PLPPR3: variants seen among roughly 807,000 people sequenced by gnomAD.
The protein encoded by PLPPR3 is phospholipid phosphatase related 3.
PLPPR3 carries 14 observed loss-of-function variants against 27.3 expected under a neutral mutation model. That is an observed-to-expected ratio of 0.51 (90% CI 0.34 to 0.80). The LOEUF (loss-of-function observed/expected upper bound fraction) is 0.80, where lower values mean the gene tolerates loss of function less well. PLPPR3 is among the 30% of genes least tolerant of loss of function. The probability of loss-of-function intolerance (pLI) is 0.01; values close to 1 mark genes in which losing one functional copy is unlikely to be tolerated. For synonymous variants in PLPPR3, 671 were observed against 508.0 expected, an observed-to-expected ratio of 1.32 and a Z score of -4.32; for missense variants, 1,287 against 1,056.9, an observed-to-expected ratio of 1.22 and a Z score of -3.02.
chr19:815,692 A>G lies in PLPPR3; in HGVS notation c.235T>C (p.Leu79=). 1 of 1,602,866 alleles carries G rather than the reference A, an allele frequency of 6.2e-7. No homozygotes were observed. Among genetic ancestry groups the G allele is most frequent in the Non-Finnish European group, 8.5e-7 (1 of 1,175,534 alleles). ...GAGGCGGCAGGGGCCGCGAAGGCCA[A>G]GCTGAGCAGCATCAGCAGCGGGATG... ...ELIPLLMLLS[L]AFAAPAASIM... Residue 79 remains leucine (L), a synonymous_variant, in exon 3 of 8, where the codon TTG becomes CTG. Transcript: ENST00000520876.
chr19:815,949 C>G, intron 2 of PLPPR3, 98 bp from the exon 3 acceptor site: 2 of 1,271,704 alleles, frequency 1.6e-6, no homozygotes, highest in Non-Finnish European at 2.2e-6. Flanking sequence ...TCTCACTCAC[C>G]TATCCACAGA....
intron 2 of PLPPR3, 31 bp downstream of exon 2, chr19:821,454 T>G: frequency 7.0e-7 from 1 of 1,435,270 alleles, no homozygotes; most frequent in Non-Finnish European, 9.2e-7. Context: ...CCGAGGCGTC[T>G]CCCCCGGGCC....
Position 813,940 on chromosome 19 carries a change from G to A in PLPPR3, c.832-45C>T. 7.1e-7 allele frequency: 1 copy of A among 1,412,310 alleles called. No homozygotes were observed. Among genetic ancestry groups the A allele is most frequent in the Non-Finnish European group, 9.2e-7 (1 of 1,090,870 alleles). The allele number at this position is 1,412,310 out of a possible 1,614,324, so 87.5% of individuals were successfully genotyped here. On this transcript the variant is annotated intron_variant, in intron 7 of 7. Coordinates refer to ENST00000520876, the MANE Select transcript of PLPPR3 (RefSeq NM_001270366.2). The surrounding 1 kb of genome is among the most constrained non-coding windows in gnomAD (Gnocchi z 4.1). ...GGGGGTGAGGCCTGGGGCTCAGAGGGCTCCTCCCCTGTGATCGTTGGACTT... is the reference window on the plus strand; with the variant it reads ...GGGGGTGAGGCCTGGGGCTCAGAGGACTCCTCCCCTGTGATCGTTGGACTT...
chr19:815,972 C>T (rs563229533), intron 2 of PLPPR3, 121 bp from the exon 3 acceptor site: 2 of 938,604 alleles, frequency 2.1e-6, no homozygotes, highest in African/African-American at 1.7e-5. Flanking sequence ...CAACCCGCTC[C>T]CAGCCACTCT....
At position 814,670 on chromosome 19, in the gene PLPPR3, G is replaced by A. The variant is rs775381118; in HGVS notation, c.657+22C>T. The A allele has an allele frequency of 4.4e-6, 7 of 1,607,182 alleles. No individual in the cohort carries two copies. In the Middle Eastern group the frequency reaches 4.9e-4, roughly 113 times the overall value. ...CGGGTCAGCAAGAGGGCCTGGGAAG[G>A]GCAGTGAGGGGCCGGACTCACCGAC... On this transcript the variant is annotated intron_variant, in intron 6 of 7. Coordinates refer to ENST00000520876, the MANE Select transcript of PLPPR3 (RefSeq NM_001270366.2).
intron 2 of PLPPR3, among the ~76,000 whole-genome samples, chr19:819,740 C>T (rs574214534): frequency 3.9e-5 from 6 of 152,302 alleles, no homozygotes; most frequent in East Asian, 3.9e-4. Context: ...GTGACCTGCA[C>T]GGGTCACTGC....
upstream of PLPPR3, among the ~76,000 whole-genome samples, chr19:822,834 T>A (rs1451494066): frequency 6.6e-6 from 1 of 152,102 alleles, no homozygotes; most frequent in Admixed American, 6.5e-5. Context: ...AAAAATCGGT[T>A]TTTGGGCCGT....
chr19:816,712 CATCCGTCCATTCATT>C (rs1170069730), intron 2 of PLPPR3, among the ~76,000 whole-genome samples: 144 of 151,146 alleles, frequency 9.5e-4, no homozygotes, highest in Admixed American at 1.3e-3. Flanking sequence ...ACCGTCCATC[CATCCGTCCATTCATT>C]ACCCAGCCAT....
chr19:821,401 G>C (rs572857689), intron 2 of PLPPR3, 84 bp downstream of exon 2: 6 of 1,267,214 alleles, frequency 4.7e-6, no homozygotes, highest in Non-Finnish European at 6.4e-6. Flanking sequence ...CAGCTGCGCC[G>C]GCTCCGGTCC....
chr19:820,645 G>A (rs953252686), intron 2 of PLPPR3, among the ~76,000 whole-genome samples: 5 of 151,956 alleles, frequency 3.3e-5, no homozygotes, highest in African/African-American at 1.2e-4. Context: ...CCAGCCTCCC[G>A]AGTAGCTGGG....
chr19:823,450 A>AAAAAAAAAAAAAAAAAAAAAAAAAAC (rs111454578), upstream of PLPPR3, among the ~76,000 whole-genome samples: 1 of 143,836 alleles, frequency 7.0e-6, no homozygotes, highest in Non-Finnish European at 1.5e-5. Context: ...TCAAAAAAAA[A>AAAAAAAAAAAAAAAAAAAAAAAAAAC]AAAAAAAACA....
At position 813,360 on chromosome 19, in the gene PLPPR3, T is replaced by A; in HGVS notation, c.1367A>T (p.Glu456Val). ...EEDEEEEEEE[E>V]EEEDEGPAPP... ...GGCCGGGCCCTCGTCCTCCTCCTCT[T>A]CCTCCTCCTCCTCTTCCTCTTCGTC... Residue 456 changes from glutamate to valine, a missense_variant, in exon 8 of 8, where the codon GAA becomes GTA. By Grantham distance (121) the Glu-to-Val change is moderately radical. Coordinates refer to ENST00000520876, the MANE Select transcript of PLPPR3 (RefSeq NM_001270366.2). The surrounding 1 kb of genome is among the most constrained non-coding windows in gnomAD (Gnocchi z 4.1). 1 of 1,478,872 alleles carries A rather than the reference T, an allele frequency of 6.8e-7. No individual in the cohort carries two copies. Among genetic ancestry groups the A allele is most frequent in the Non-Finnish European group, 8.9e-7 (1 of 1,122,692 alleles). 91.6% of individuals were successfully genotyped at this position (1,478,872 alleles called of 1,614,324 possible).
At chr19:818,502 G>A (rs567730933) in intron 2 of PLPPR3, among the ~76,000 whole-genome samples, 7 of 152,102 alleles carry the variant, frequency 4.6e-5, no homozygotes, top group African/African-American at 7.2e-5. Flanking sequence ...GGAGTTCAAC[G>A]CTAGCCTGAG....
Position 812,538 on chromosome 19 carries a change from C to CCTCCGCCT in PLPPR3, c.*31_*32insAGGCGGAG. 1 of 934,806 alleles carries CCTCCGCCT rather than the reference C, an allele frequency of 1.1e-6. No individual in the cohort carries two copies. The highest frequency in any genetic ancestry group is 1.3e-6 in the Non-Finnish European group (1 of 782,812). The allele number at this position is 934,806 out of a possible 1,614,324, so 57.9% of individuals were successfully genotyped here. Reference sequence around the variant, plus strand: ...TCCGCGCGGCCGCCCGCGCCCTCGGCCCGCCCCCCGCCCGCCCCCGGCCCC... The same window carrying CCTCCGCCT: ...TCCGCGCGGCCGCCCGCGCCCTCGGCCTCCGCCTCCGCCCCCCGCCCGCCCCCGGCCCC... On this transcript the variant is annotated 3_prime_UTR_variant, in exon 8 of 8. Coordinates refer to ENST00000520876, the MANE Select transcript of PLPPR3 (RefSeq NM_001270366.2).
Position 812,834 on chromosome 19 carries a change from C to T in PLPPR3, c.1893G>A (p.Gly631=), listed in dbSNP as rs895864089. 1.8e-6 allele frequency: 2 copies of T among 1,115,906 alleles called. No homozygotes were observed. The highest frequency in any genetic ancestry group is 2.2e-6 in the Non-Finnish European group (2 of 911,748). The allele number at this position is 1,115,906 out of a possible 1,614,324, so 69.1% of individuals were successfully genotyped here. A position where few individuals can be genotyped will look rare whatever the true frequency, so the allele number is the denominator to read the frequency against. The change falls in exon 8 of 8, where the codon GGG becomes GGA. Residue 631 remains glycine, a synonymous_variant. Transcript: ENST00000520876. ...CGGGGGACACGCCCGGGGGCTTGGCCCCGCCGCGGAAGCCGCGCGCCAGGT... is the reference window on the plus strand; with the variant it reads ...CGGGGGACACGCCCGGGGGCTTGGCTCCGCCGCGGAAGCCGCGCGCCAGGT... ...LGDLARGFRG[G]AKPPGVSPGS... is the part of the protein sequence containing the mutation.
chr19:819,664 T>C (rs763089463), intron 2 of PLPPR3, among the ~76,000 whole-genome samples: 7 of 152,046 alleles, frequency 4.6e-5, no homozygotes, highest in African/African-American at 9.7e-5. Context: ...CTTAATGATA[T>C]TGTGTTTGGG....
In PLPPR3 at chr19:812,622, G is replaced by T. The variant is rs2034945838; in HGVS notation, c.2105C>A (p.Ala702Glu). 2 of 1,102,216 alleles carry T rather than the reference G, an allele frequency of 1.8e-6. No individual in the cohort carries two copies. Among genetic ancestry groups the T allele is most frequent in the Admixed American group, 9.7e-5 (2 of 20,718 alleles). 68.3% of individuals were successfully genotyped at this position (1,102,216 alleles called of 1,614,324 possible). A position where few individuals can be genotyped will look rare whatever the true frequency, so the allele number is the denominator to read the frequency against. Residue 702 changes from alanine (A) to glutamate (E), a missense_variant, in exon 8 of 8, where the codon GCG becomes GAG. Coordinates refer to ENST00000520876, the MANE Select transcript of PLPPR3 (RefSeq NM_001270366.2). ...GLGLAEREAE[A>E]EAEGYFRKMQ... The stretch of plus-strand genomic sequence containing the variant: ...CTTGCGGAAGTAGCCCTCGGCCTCC[G>T]CCTCCGCCTCGCGCTCCGCCAGCCC...
chr19:815,992 GA>G, intron 2 of PLPPR3, 141 bp from the exon 3 acceptor site: 1 of 787,020 alleles, frequency 1.3e-6, no homozygotes, highest in Non-Finnish European at 2.0e-6. Flanking sequence ...TTTCCCCCAT[GA>G]GTTATTCATC....
intron 2 of PLPPR3, among the ~76,000 whole-genome samples, chr19:817,794 C>G (rs1013277990): frequency 2.0e-5 from 3 of 152,098 alleles, no homozygotes; most frequent in Non-Finnish European, 4.4e-5. Context: ...GGGGCAGACG[C>G]GGAAAGTGGG....
Sources: allele counts gnomAD v4.1 joint callset (sites outside exome capture counted in the v4.1 genomes callset), GRCh38; gene constraint gnomAD v4.1.1; non-coding constraint Gnocchi (gnomAD v3.1); transcripts MANE v1.5; gene names NCBI Gene and HGNC (gene_info 2026-07-23, HGNC 2026-07-21).